CR1L: variants seen among roughly 807,000 people sequenced by gnomAD.
CR1L encodes complement component receptor 1-like protein.
In CR1L, 59 loss-of-function variants were observed where a neutral mutation model predicts 62.3. The observed-to-expected ratio is 0.95, with a 90% CI of 0.77 to 1.18. CR1L has a LOEUF of 1.18. Among genes scored for constraint, CR1L ranks in the 50% most tolerant of loss-of-function variants. The probability of loss-of-function intolerance (pLI) is 0.00; values close to 1 mark genes in which losing one functional copy is unlikely to be tolerated. For synonymous variants in CR1L, 279 were observed against 248.7 expected (o/e 1.12, Z -1.15); for missense variants, 700 against 702.8 (o/e 1.00, Z 0.04).
At chr1:207,722,540 C>G (rs931832297) in intron 11 of CR1L, among the ~76,000 whole-genome samples, 1 of 151,112 alleles carries the variant, frequency 6.6e-6, no homozygotes, top group African/African-American at 2.4e-5. Flanking sequence ...CTGTTCTGTT[C>G]CATTGATCTA....
chr1:207,721,750 C>A (rs201375686), intron 11 of CR1L, among the ~76,000 whole-genome samples: 1 of 151,872 alleles, frequency 6.6e-6, no homozygotes, highest in African/African-American at 2.4e-5. Flanking sequence ...AGTTCTAGAT[C>A]GCTGAGGAAT....
chr1:207,688,051 T>C (rs1663938837), intron 4 of CR1L, among the ~76,000 whole-genome samples: 1 of 152,194 alleles, frequency 6.6e-6, no homozygotes, highest in African/African-American at 2.4e-5. Context: ...GGCAGGAGGA[T>C]TGCTTGAAGC....
chr1:207,710,572 C>T lies in CR1L; in HGVS notation c.1414+2309C>T, dbSNP rs574966283. 112 of 1,609,918 alleles carry T rather than the reference C, an allele frequency of 7.0e-5. No individual in the cohort carries two copies. In the African/African-American group the frequency reaches 7.9e-4, roughly 11 times the overall value. On this transcript the variant is annotated intron_variant, in intron 10 of 11. Coordinates refer to ENST00000508064, the MANE Select transcript of CR1L (RefSeq NM_175710.2). ...AAGATGATCAAGTGGTCGTCTGGAG[C>T]GGCCCAGTCCCTCAGTGCATTATAC...
chr1:207,694,630 A>C lies in CR1L; in HGVS notation c.741A>C (p.Leu247Phe), dbSNP rs749964093. ...NGILVSDNRS[L>F]FSLNEVVEFR... ...TATTGGTATCTGACAACAGAAGCTTATTTTCCTTAAATGAAGTTGTGGAGT... is the reference window on the plus strand; with the variant it reads ...TATTGGTATCTGACAACAGAAGCTTCTTTTCCTTAAATGAAGTTGTGGAGT... Residue 247 changes from leucine (L) to phenylalanine (F), a missense_variant, in exon 5 of 12, where the codon TTA becomes TTC. Transcript: ENST00000508064. 8.7e-6 allele frequency: 14 copies of C among 1,611,732 alleles called. No individual in the cohort carries two copies. In the African/African-American group the frequency reaches 1.9e-4, roughly 22 times the overall value.
At chr1:207,687,000 G>A (rs1487716604) in intron 4 of CR1L, among the ~76,000 whole-genome samples, 1 of 152,218 alleles carries the variant, frequency 6.6e-6, no homozygotes, top group Non-Finnish European at 1.5e-5. Flanking sequence ...TTGTGTATGA[G>A]CTAACCAGTT....
chr1:207,682,966 T>TTCTG, intron 3 of CR1L, among the ~76,000 whole-genome samples: 1 of 103,098 alleles, frequency 9.7e-6, no homozygotes, highest in African/African-American at 3.6e-5. Context: ...ATCATTTTCT[T>TTCTG]TCTTTCTTTC....
rs531397830 is a variant in CR1L at position 207,694,612 on chromosome 1, A to G, written c.723A>G (p.Val241=). The change falls in exon 5 of 12, where the codon GTA becomes GTG. Residue 241 remains valine, a synonymous_variant. Coordinates refer to ENST00000508064, the MANE Select transcript of CR1L (RefSeq NM_175710.2). The stretch of plus-strand genomic sequence containing the variant: ...CAAATGTGGAAAATGGAATATTGGT[A>G]TCTGACAACAGAAGCTTATTTTCCT... ...TPPNVENGIL[V]SDNRSLFSLN... 1.2e-5 allele frequency: 19 copies of G among 1,611,902 alleles called. No individual in the cohort carries two copies. The highest frequency in any genetic ancestry group is 8.9e-5 in the East Asian group (4 of 44,896).
Position 207,677,776 on chromosome 1 carries a change from T to C in CR1L, c.277+208T>C, listed in dbSNP as rs558536085. ...AAGTTTATTTCATGAGAAACCGTCA[T>C]TGCAGGACATGATTGAGGGAAAACC... On this transcript the variant is annotated intron_variant, in intron 2 of 11. Coordinates refer to ENST00000508064, the MANE Select transcript of CR1L (RefSeq NM_175710.2). Among the ~76,000 whole-genome samples, 23 of 152,346 alleles carry C rather than the reference T, an allele frequency of 1.5e-4. No homozygotes were observed. The Middle Eastern group carries it at 0.01, about 68-fold the overall frequency.
intron 1 of CR1L, among the ~76,000 whole-genome samples, chr1:207,653,686 C>T (rs1663264397): frequency 6.6e-6 from 1 of 152,138 alleles, no homozygotes; most frequent in African/African-American, 2.4e-5. Flanking sequence ...ACTGAGCACT[C>T]GGTAATAGCC....
chr1:207,720,560 C>A (rs1266904529), intron 11 of CR1L, among the ~76,000 whole-genome samples: 1 of 152,114 alleles, frequency 6.6e-6, no homozygotes, highest in Non-Finnish European at 1.5e-5. Context: ...ATACTCAGAT[C>A]CCCTATCTCC....
chr1:207,701,588 G>A lies in CR1L; in HGVS notation c.1298G>A (p.Gly433Glu), dbSNP rs1664193256. Residue 433 changes from glycine (G) to glutamate (E), a missense_variant, in exon 9 of 12, where the codon GGA (glycine) becomes GAA (glutamate). Coordinates refer to ENST00000508064, the MANE Select transcript of CR1L (RefSeq NM_175710.2). The stretch of plus-strand genomic sequence containing the variant: ...CATGTGATCACAGACATCCATGTTG[G>A]ATCCAGAATCAACTATTCTTGTACT... Reference protein sequence around the residue: ...MVHVITDIHVGSRINYSCTTG... With the variant: ...MVHVITDIHVESRINYSCTTG... 6.2e-7 allele frequency: 1 copy of A among 1,613,678 alleles called. No homozygotes were observed. Among genetic ancestry groups the A allele is most frequent in the Admixed American group, 1.7e-5 (1 of 59,982 alleles).
At chr1:207,706,640 CACA>C (rs1231028706) in intron 9 of CR1L, among the ~76,000 whole-genome samples, 1 of 152,168 alleles carries the variant, frequency 6.6e-6, no homozygotes, top group Non-Finnish European at 1.5e-5. Context: ...ATTGATTCTA[CACA>C]ACACTAAATT....
At chr1:207,679,931 C>A (rs1223634814) in intron 3 of CR1L, among the ~76,000 whole-genome samples, 1 of 152,126 alleles carries the variant, frequency 6.6e-6, no homozygotes, top group Non-Finnish European at 1.5e-5. Flanking sequence ...GTAAAAAGAT[C>A]AGCAGTTGCC....
At chr1:207,697,922 A>C (rs1664131585) in intron 7 of CR1L, 49 bp downstream of exon 7, 2 of 1,612,174 alleles carry the variant, frequency 1.2e-6, no homozygotes, top group Admixed American at 3.3e-5. Flanking sequence ...TGGGGTTAGG[A>C]ATTAGTCCAA....
intron 10 of CR1L, among the ~76,000 whole-genome samples, chr1:207,714,830 CT>C (rs1463251200): frequency 6.6e-6 from 1 of 152,154 alleles, no homozygotes; most frequent in African/African-American, 2.4e-5. Context: ...CTGTGAGCCT[CT>C]TTCTGGCCTG....
chr1:207,706,023 A>G (rs1162692576), intron 9 of CR1L, among the ~76,000 whole-genome samples: 46 of 147,084 alleles, frequency 3.1e-4, no homozygotes, highest in African/African-American at 1.1e-3. Context: ...GTATATATAT[A>G]TATATATATA....
chr1:207,645,306 G>A lies in CR1L; in HGVS notation c.73G>A (p.Val25Met), dbSNP rs1335279004. The A allele has an allele frequency of 1.9e-6, 3 of 1,614,078 alleles. No individual in the cohort carries two copies. Residue 25 changes from valine to methionine, a missense_variant, in exon 1 of 12, where the codon GTG becomes ATG. By Grantham distance (21) the Val-to-Met change is conservative. Coordinates refer to ENST00000508064, the MANE Select transcript of CR1L (RefSeq NM_175710.2). ...TCCTGGGTTGCTTCTGGCGGCCCTG[G>A]TGTTGCTGCTGTCCTCCTTCTCCGG... ...RFPGLLLAAL[V>M]LLLSSFSDQC...
At chr1:207,654,965 A>G (rs1663282724) in intron 1 of CR1L, among the ~76,000 whole-genome samples, 1 of 152,228 alleles carries the variant, frequency 6.6e-6, no homozygotes, top group Non-Finnish European at 1.5e-5. Flanking sequence ...CAGCAGATTT[A>G]TTTAGATGTT....
chr1:207,710,350 T>C, intron 10 of CR1L: 1 of 1,265,728 alleles, frequency 7.9e-7, no homozygotes, highest in Non-Finnish European at 1.2e-6. Flanking sequence ...CCCAAGGTTT[T>C]GTTTTGGTGA....
Sources: allele counts gnomAD v4.1 joint callset (sites outside exome capture counted in the v4.1 genomes callset), GRCh38; gene constraint gnomAD v4.1.1; transcripts MANE v1.5; gene names NCBI Gene and HGNC (gene_info 2026-07-23, HGNC 2026-07-21).